The following PLPPR1 variants were observed in gnomAD, a reference collection of about 807,000 sequenced individuals.
PLPPR1 encodes phospholipid phosphatase-related protein type 1.
In PLPPR1, 10 loss-of-function variants were observed where a neutral mutation model predicts 33.1. The ratio of observed to expected loss-of-function variants is 0.30; its 90% CI spans 0.19 to 0.51. The LOEUF (loss-of-function observed/expected upper bound fraction) is 0.51, where lower values mean the gene tolerates loss of function less well. Among genes scored for constraint, PLPPR1 ranks in the 20% least tolerant of loss-of-function variants. PLPPR1 has a pLI of 0.97. For missense variants in PLPPR1, 304 were observed against 408.1 expected (o/e 0.74, Z 2.20); for synonymous variants, 151 against 151.0 (o/e 1.00, Z 0.00).
chr9:101,180,141 TATACACAC>T (rs1445679177), intron 1 of PLPPR1, among the ~76,000 whole-genome samples: 41 of 28,904 alleles, frequency 1.4e-3, no homozygotes, highest in African/African-American at 2.8e-3. Flanking sequence ...TATATATATA[TATACACAC>T]ACACACACAC....
Position 101,042,517 on chromosome 9 carries a change from C to T in PLPPR1, c.-46+13415C>T, listed in dbSNP as rs140865400. On this transcript the variant is annotated intron_variant, in intron 1 of 7. Coordinates refer to ENST00000374874, the MANE Select transcript of PLPPR1 (RefSeq NM_207299.2). ...ATTCCCCCTCATGCCACATTGGACA[C>T]CATCCTGATAATAATGATGGGTTAC... Among the ~76,000 whole-genome samples, 53 of 152,286 alleles carry T rather than the reference C, an allele frequency of 3.5e-4. 1 individual carries two copies. The highest frequency in any genetic ancestry group is 1.3e-3 in the African/African-American group (52 of 41,552).
intron 2 of PLPPR1, among the ~76,000 whole-genome samples, chr9:101,248,590 C>G (rs1827656560): frequency 6.6e-6 from 1 of 152,024 alleles, no homozygotes; most frequent in Non-Finnish European, 1.5e-5. Context: ...TTCATAACCT[C>G]CAGTCAAGCA....
intron 1 of PLPPR1, among the ~76,000 whole-genome samples, chr9:101,099,045 C>G (rs761833680): frequency 6.6e-6 from 1 of 151,690 alleles, no homozygotes; most frequent in African/African-American, 2.4e-5. Flanking sequence ...GAAAGTCACT[C>G]AATCCCTCTA....
At chr9:101,189,912 G>T (rs960916186) in intron 2 of PLPPR1, among the ~76,000 whole-genome samples, 5 of 151,912 alleles carry the variant, frequency 3.3e-5, no homozygotes, top group Non-Finnish European at 5.9e-5. Context: ...TCCTCCTGTT[G>T]GTTGTGTCTG....
chr9:101,078,196 G>A (rs1588018846), intron 1 of PLPPR1, among the ~76,000 whole-genome samples: 1 of 43,984 alleles, frequency 2.3e-5, no homozygotes, highest in Non-Finnish European at 4.8e-5. Context: ...AGGAGGGGGG[G>A]AGGGGGAGGG....
At chr9:101,272,070 CTT>C (rs1564023353) in intron 3 of PLPPR1, among the ~76,000 whole-genome samples, 1 of 151,944 alleles carries the variant, frequency 6.6e-6, no homozygotes, top group Non-Finnish European at 1.5e-5. Flanking sequence ...AAACTTAAGA[CTT>C]ATTTAAGTTG....
chr9:101,305,294 G>T (rs771422039), intron 4 of PLPPR1, among the ~76,000 whole-genome samples: 2 of 151,968 alleles, frequency 1.3e-5, no homozygotes, highest in Non-Finnish European at 2.9e-5. Context: ...CCATATGAAG[G>T]TTATCAACAG....
chr9:101,262,209 A>C (rs1827911960), intron 2 of PLPPR1, among the ~76,000 whole-genome samples: 1 of 152,188 alleles, frequency 6.6e-6, no homozygotes, highest in South Asian at 2.1e-4. Context: ...TTTAATCTTC[A>C]TGATAATCTG....
chr9:101,309,177 T>C, intron 4 of PLPPR1, 34 bp from the exon 5 acceptor site: 1 of 1,612,056 alleles, frequency 6.2e-7, no homozygotes, highest in African/African-American at 1.3e-5. Context: ...ACAGAGTATG[T>C]TACCATTCCT....
At chr9:101,132,662 G>A (rs1168099686) in intron 1 of PLPPR1, among the ~76,000 whole-genome samples, 1 of 152,136 alleles carries the variant, frequency 6.6e-6, no homozygotes, top group African/African-American at 2.4e-5. Context: ...ATGGACTCTG[G>A]ATGCTTATGA....
intron 4 of PLPPR1, among the ~76,000 whole-genome samples, chr9:101,301,471 T>TTCATTTTATAAGTATAG (rs1828751074): frequency 6.6e-6 from 1 of 152,226 alleles, no homozygotes; most frequent in Non-Finnish European, 1.5e-5. Flanking sequence ...ATACTTATAA[T>TTCATTTTATAAGTATAG]TCATTTTAAC....
chr9:101,247,731 T>G (rs925408384), intron 2 of PLPPR1, among the ~76,000 whole-genome samples: 1 of 151,994 alleles, frequency 6.6e-6, no homozygotes, highest in African/African-American at 2.4e-5. Flanking sequence ...TGGGGATCTC[T>G]TAGTCTGGAG....
chr9:101,115,603 A>G (rs73495959), intron 1 of PLPPR1, among the ~76,000 whole-genome samples: 108 of 152,394 alleles, frequency 7.1e-4, no homozygotes, highest in African/African-American at 2.4e-3. Context: ...ACCATATTGC[A>G]TAATAGCCTT....
chr9:101,091,953 G>A (rs748386167), intron 1 of PLPPR1, among the ~76,000 whole-genome samples: 1 of 152,050 alleles, frequency 6.6e-6, no homozygotes, highest in African/African-American at 2.4e-5. Flanking sequence ...CATTCGAAAC[G>A]CCTCCTTCCC....
At chr9:101,203,821 A>G (rs796601448) in intron 2 of PLPPR1, among the ~76,000 whole-genome samples, 10 of 152,072 alleles carry the variant, frequency 6.6e-5, no homozygotes, top group African/African-American at 2.2e-4. Flanking sequence ...GGCATTCAGA[A>G]TGTGATTTGC....
intron 2 of PLPPR1, among the ~76,000 whole-genome samples, chr9:101,232,069 C>T (rs568221060): frequency 2.0e-5 from 3 of 151,932 alleles, no homozygotes; most frequent in Non-Finnish European, 2.9e-5. Context: ...AGCATATTGC[C>T]GTGGAAAAAG....
chr9:101,053,209 C>G (rs1830244739), intron 1 of PLPPR1, among the ~76,000 whole-genome samples: 1 of 152,140 alleles, frequency 6.6e-6, no homozygotes, highest in South Asian at 2.1e-4. Context: ...AATGGGGCCA[C>G]CATTATCTAA....
At chr9:101,263,973 C>A (rs901665887) in intron 2 of PLPPR1, among the ~76,000 whole-genome samples, 40 of 152,184 alleles carry the variant, frequency 2.6e-4, no homozygotes, top group African/African-American at 9.2e-4. Flanking sequence ...TGGAGGACCT[C>A]CATCCCCTCT....
intron 6 of PLPPR1, among the ~76,000 whole-genome samples, chr9:101,315,807 A>C (rs1829040596): frequency 1.3e-5 from 2 of 152,308 alleles, no homozygotes; most frequent in South Asian, 4.1e-4. Context: ...CTTGGAGAGG[A>C]GACAGAAAAA....
Sources: allele counts gnomAD v4.1 joint callset (sites outside exome capture counted in the v4.1 genomes callset), GRCh38; gene constraint gnomAD v4.1.1; transcripts MANE v1.5; gene names NCBI Gene and HGNC (gene_info 2026-07-23, HGNC 2026-07-21).